The following CNTN4 variants were observed in gnomAD, a reference collection of about 807,000 sequenced individuals.
CNTN4 encodes the protein contactin-4.
A neutral mutation model predicts 122.5 loss-of-function variants in CNTN4; 77 were observed. The observed-to-expected ratio is 0.63, with a 90% CI of 0.52 to 0.76. CNTN4 has a LOEUF of 0.76. Ranked by LOEUF, CNTN4 falls within the 30% of genes least tolerant of loss-of-function variation. CNTN4 has a pLI of 0.00. For missense variants in CNTN4, 1,256 were observed against 1,259.1 expected, an observed-to-expected ratio of 1.00 and a Z score of 0.04; for synonymous variants, 512 against 447.0, an observed-to-expected ratio of 1.15 and a Z score of -1.83.
intron 3 of CNTN4, among the ~76,000 whole-genome samples, chr3:2,540,043 A>C (rs1575910105): frequency 6.6e-6 from 1 of 151,400 alleles, no homozygotes; most frequent in East Asian, 2.0e-4. Context: ...GGACAAGATA[A>C]TATGCCATAA....
rs2043584616 is a variant in CNTN4 at position 2,328,784 on chromosome 3, G to C, written c.-144-10394G>C. 2.6e-5 allele frequency among the ~76,000 whole-genome samples: 4 copies of C among 152,208 alleles called. No homozygotes were observed. The South Asian group carries it at 8.3e-4, about 32-fold the overall frequency. On this transcript the variant is annotated intron_variant, in intron 2 of 24. Coordinates refer to ENST00000418658, the MANE Select transcript of CNTN4 (RefSeq NM_175607.3). ...TAGAGATGATTTAAAATATACTGGA[G>C]GGTGTGCAGGAGTCACATGTAAATA...
intron 15 of CNTN4, among the ~76,000 whole-genome samples, chr3:3,027,789 A>G (rs1698854438): frequency 1.3e-5 from 2 of 152,184 alleles, no homozygotes; most frequent in South Asian, 2.1e-4. Context: ...ATTCAGACAC[A>G]TGTAGCCTTT....
chr3:2,906,567 G>A (rs2094235560), intron 12 of CNTN4, among the ~76,000 whole-genome samples: 1 of 152,116 alleles, frequency 6.6e-6, no homozygotes, highest in African/African-American at 2.4e-5. Context: ...GCCGGGCACG[G>A]TGGCTCACAG....
At chr3:2,698,832 A>G (rs897707644) in intron 4 of CNTN4, among the ~76,000 whole-genome samples, 3 of 152,184 alleles carry the variant, frequency 2.0e-5, no homozygotes, top group African/African-American at 7.2e-5. Context: ...AGCCTGGCCA[A>G]CTTCGTGAAA....
At chr3:2,583,963 G>T (rs1002301799) in intron 4 of CNTN4, among the ~76,000 whole-genome samples, 2 of 152,150 alleles carry the variant, frequency 1.3e-5, no homozygotes, top group Non-Finnish European at 2.9e-5. Flanking sequence ...CCTTGGTACA[G>T]CCCACAGTGG....
At chr3:2,800,663 C>T (rs2092325901) in intron 6 of CNTN4, among the ~76,000 whole-genome samples, 3 of 152,286 alleles carry the variant, frequency 2.0e-5, no homozygotes, top group African/African-American at 7.2e-5. Context: ...CAGAAACCTG[C>T]AGTGGCTTCC....
At chr3:2,191,523 G>T (rs2037544801) in intron 2 of CNTN4, among the ~76,000 whole-genome samples, 1 of 151,954 alleles carries the variant, frequency 6.6e-6, no homozygotes, top group Non-Finnish European at 1.5e-5. Context: ...TACTCATGTG[G>T]TGCCGCCACT....
chr3:2,870,739 G>T (rs1000099520), intron 8 of CNTN4, among the ~76,000 whole-genome samples: 3 of 152,182 alleles, frequency 2.0e-5, no homozygotes, highest in African/African-American at 7.2e-5. Context: ...TGAACTAATT[G>T]CTAGACTTGT....
intron 4 of CNTN4, among the ~76,000 whole-genome samples, chr3:2,708,801 G>C (rs185667336): frequency 5.3e-5 from 8 of 151,950 alleles, no homozygotes; most frequent in Admixed American, 5.2e-4. Flanking sequence ...TTTTTTCCTA[G>C]CATGAAAACA....
intron 2 of CNTN4, among the ~76,000 whole-genome samples, chr3:2,184,938 T>A (rs1448037867): frequency 6.6e-6 from 1 of 152,202 alleles, no homozygotes; most frequent in Admixed American, 6.5e-5. Context: ...AAAATCTTTG[T>A]GAAGGATGTG....
At chr3:2,627,373 C>T (rs913534108) in intron 4 of CNTN4, among the ~76,000 whole-genome samples, 2 of 152,068 alleles carry the variant, frequency 1.3e-5, no homozygotes, top group Non-Finnish European at 2.9e-5. Flanking sequence ...ATGAAGCTGC[C>T]ATTTTTCTTA....
At chr3:2,952,605 C>A (rs1353947098) in intron 13 of CNTN4, among the ~76,000 whole-genome samples, 1 of 152,110 alleles carries the variant, frequency 6.6e-6, no homozygotes, top group Non-Finnish European at 1.5e-5. Context: ...ATAGTAGATA[C>A]CATTCCCTAC....
intron 6 of CNTN4, among the ~76,000 whole-genome samples, chr3:2,781,204 C>T (rs1468482870): frequency 6.6e-6 from 1 of 152,218 alleles, no homozygotes; most frequent in African/African-American, 2.4e-5. Flanking sequence ...CTCAAACTCA[C>T]TGAATTCAAT....
intron 4 of CNTN4, among the ~76,000 whole-genome samples, chr3:2,614,139 T>G (rs2081613153): frequency 6.6e-6 from 1 of 152,134 alleles, no homozygotes; most frequent in South Asian, 2.1e-4. Flanking sequence ...AAGGAAGTCC[T>G]CTCTGAGGAA....
At chr3:2,840,840 T>C (rs113068916) in intron 7 of CNTN4, among the ~76,000 whole-genome samples, 35 of 152,130 alleles carry the variant, frequency 2.3e-4, no homozygotes, top group African/African-American at 7.2e-4. Flanking sequence ...CTATTAATAG[T>C]AGTCTAGCAA....
intron 4 of CNTN4, among the ~76,000 whole-genome samples, chr3:2,698,320 C>T (rs1444400642): frequency 6.6e-6 from 1 of 152,156 alleles, no homozygotes; most frequent in East Asian, 1.9e-4. Context: ...CTTTTCCCTT[C>T]CATTTATATA....
intron 4 of CNTN4, among the ~76,000 whole-genome samples, chr3:2,652,544 G>A (rs2083408464): frequency 6.6e-6 from 1 of 152,186 alleles, no homozygotes; most frequent in South Asian, 2.1e-4. Context: ...CTGTGAGGTA[G>A]ATGGAATGTG....
intron 4 of CNTN4, among the ~76,000 whole-genome samples, chr3:2,615,410 G>C (rs1414753479): frequency 6.6e-6 from 1 of 152,100 alleles, no homozygotes; most frequent in Non-Finnish European, 1.5e-5. Context: ...AATTCCCCCA[G>C]ATCATTTTCA....
intron 6 of CNTN4, among the ~76,000 whole-genome samples, chr3:2,772,579 A>G (rs2091152575): frequency 6.6e-6 from 1 of 152,174 alleles, no homozygotes; most frequent in African/African-American, 2.4e-5. Flanking sequence ...TTTATCACAC[A>G]AACCTGGATT....
Sources: allele counts gnomAD v4.1 joint callset (sites outside exome capture counted in the v4.1 genomes callset), GRCh38; gene constraint gnomAD v4.1.1; transcripts MANE v1.5; gene names NCBI Gene and HGNC (gene_info 2026-07-23, HGNC 2026-07-21).